The following PRKDC variants were observed in gnomAD, a reference collection of about 807,000 sequenced individuals.
PRKDC encodes the protein DNA-dependent protein kinase catalytic subunit.
PRKDC carries 82 observed loss-of-function variants against 486.9 expected under a neutral mutation model. That is an observed-to-expected ratio of 0.17 (90% confidence interval 0.14 to 0.20). The LOEUF (loss-of-function observed/expected upper bound fraction) is 0.20, where lower values mean the gene tolerates loss of function less well. Ranked by LOEUF, PRKDC falls within the 10% of genes least tolerant of loss-of-function variation. PRKDC has a pLI of 1.00. For synonymous variants in PRKDC, 1,895 were observed against 1,837.0 expected, an observed-to-expected ratio of 1.03 and a Z score of -0.81; for missense variants, 4,504 against 5,038.2, an observed-to-expected ratio of 0.89 and a Z score of 3.21.
chr8:47,788,802 A>C, intron 76 of PRKDC, 104 bp downstream of exon 76: 1 of 1,149,252 alleles, frequency 8.7e-7, no homozygotes, highest in Non-Finnish European at 1.1e-6. Flanking sequence ...AGAACTGTTA[A>C]ATTAATGATT....
intron 46 of PRKDC, 33 bp from the exon 47 acceptor site, chr8:47,859,019 TAC>T: frequency 6.2e-7 from 1 of 1,607,822 alleles, no homozygotes; most frequent in East Asian, 2.2e-5. Context: ...GAGCAGAGGG[TAC>T]AGTTAACATT....
chr8:47,839,031 A>C, intron 56 of PRKDC, 117 bp downstream of exon 56: 1 of 735,230 alleles, frequency 1.4e-6, no homozygotes, highest in Non-Finnish European at 2.3e-6. Flanking sequence ...AAATGCAGAA[A>C]GCAGAGAAAA....
intron 54 of PRKDC, among the ~76,000 whole-genome samples, chr8:47,844,246 T>C (rs1402521707): frequency 6.6e-6 from 1 of 152,258 alleles, no homozygotes; most frequent in Non-Finnish European, 1.5e-5. Flanking sequence ...GCAGTCACTA[T>C]TCTTTTATCA....
At chr8:47,951,550 C>T (rs1375853134) in intron 7 of PRKDC, among the ~76,000 whole-genome samples, 5 of 152,022 alleles carry the variant, frequency 3.3e-5, no homozygotes, top group African/African-American at 2.4e-5. Flanking sequence ...AAGGCAAGAC[C>T]GTGTCTCTAC....
intron 35 of PRKDC, among the ~76,000 whole-genome samples, chr8:47,886,801 C>CAA: frequency 6.6e-6 from 1 of 152,266 alleles, no homozygotes; most frequent in South Asian, 2.1e-4. Flanking sequence ...GATCTTCCCA[C>CAA]CTCAGCCTCT....
intron 30 of PRKDC, among the ~76,000 whole-genome samples, chr8:47,894,536 T>C (rs768825784): frequency 4.0e-5 from 6 of 151,862 alleles, no homozygotes; most frequent in Non-Finnish European, 5.9e-5. Context: ...ACGCTTGGGG[T>C]TGGGGAGCCT....
rs111445493 is a variant in PRKDC at position 47,782,899 on chromosome 8, T to C, written c.11176-301A>G. On this transcript the variant is annotated intron_variant, in intron 78 of 85. Transcript: ENST00000314191. This position sits in a 1 kb window ranked among gnomAD's most constrained non-coding sequence, Gnocchi z 4.9. ...GTAAGCTAATGCTACACATATTTTA[T>C]AGTGGATACTCACACACAGCTTACT... is the stretch of plus-strand genomic sequence containing the variant. 553 of 426,784 alleles carry C rather than the reference T, an allele frequency of 1.3e-3. 1 individual carries two copies. The highest frequency in any genetic ancestry group is 2.0e-3 in the Non-Finnish European group (456 of 232,372). The allele number at this position is 426,784 out of a possible 1,614,324, so 26.4% of individuals were successfully genotyped here.
chr8:47,958,681 G>A (rs1323681651), intron 1 of PRKDC, among the ~76,000 whole-genome samples: 2 of 150,418 alleles, frequency 1.3e-5, no homozygotes, highest in Non-Finnish European at 3.0e-5. Context: ...TTTCCCCATT[G>A]TTAATATATT....
chr8:47,872,501 T>TAAAAAAAAAAAAAAAAAAAAAAAAAAA (rs748681244), intron 40 of PRKDC, among the ~76,000 whole-genome samples: 1 of 74,140 alleles, frequency 1.3e-5, no homozygotes, highest in Non-Finnish European at 3.4e-5. Context: ...TATAAAAAAG[T>TAAAAAAAAAAAAAAAAAAAAAAAAAAA]AAAAAAAAAA....
At position 47,840,161 on chromosome 8, in the gene PRKDC, C is replaced by T; in HGVS notation, c.7309G>A (p.Asp2437Asn). 6.2e-7 allele frequency: 1 copy of T among 1,600,344 alleles called. No homozygotes were observed. The highest frequency in any genetic ancestry group is 8.5e-7 in the Non-Finnish European group (1 of 1,172,256). ...RDDERQKVCL[D>N]IIYKMMPKLK... ...TTTGGCATCATCTTATAAATTATGT[C>T]CAAACATACTTTTTGTCTTTCATCA... Residue 2437 changes from aspartate (D) to asparagine (N), a missense_variant, in exon 55 of 86, where the codon GAC becomes AAC. Physicochemically the swap from Asp to Asn is conservative, Grantham distance 23 (BLOSUM62 1). Around this residue, in one of 6 missense-constraint regions of PRKDC, gnomAD observed 1,592 missense variants for 1,724.6 expected, o/e 0.92. Coordinates refer to ENST00000314191, the MANE Select transcript of PRKDC (RefSeq NM_006904.7).
intron 68 of PRKDC, among the ~76,000 whole-genome samples, chr8:47,810,222 T>C (rs7832898): frequency 0.15 from 22,955 of 152,188 alleles, 2,779 homozygotes; most frequent in African/African-American, 0.31. Context: ...CCCCTTATCT[T>C]ACCTGCAGTT....
intron 26 of PRKDC, among the ~76,000 whole-genome samples, chr8:47,904,244 C>G (rs2089733108): frequency 6.6e-6 from 1 of 152,120 alleles, no homozygotes; most frequent in Non-Finnish European, 1.5e-5. Flanking sequence ...ATTGGATATA[C>G]TCAGAAATTC....
At chr8:47,958,508 T>C (rs1415828935) in intron 1 of PRKDC, among the ~76,000 whole-genome samples, 2 of 152,156 alleles carry the variant, frequency 1.3e-5, no homozygotes, top group Non-Finnish European at 2.9e-5. Context: ...AAGGAACTAA[T>C]ACACTTCCCC....
At chr8:47,824,468 CAAAAAAAAA>C (rs11369602) in intron 63 of PRKDC, among the ~76,000 whole-genome samples, 1 of 37,692 alleles carries the variant, frequency 2.7e-5, no homozygotes, top group Non-Finnish European at 4.7e-5. Flanking sequence ...GACTCCGCCT[CAAAAAAAAA>C]AAAAAAAAAA....
At chr8:47,886,552 T>G (rs1336922456) in intron 35 of PRKDC, among the ~76,000 whole-genome samples, 1 of 152,084 alleles carries the variant, frequency 6.6e-6, no homozygotes, top group Non-Finnish European at 1.5e-5. Context: ...CTACCACACC[T>G]GGCTAATTTT....
chr8:47,881,802 C>G, intron 37 of PRKDC, 110 bp downstream of exon 37: 4 of 977,010 alleles, frequency 4.1e-6, no homozygotes, highest in Non-Finnish European at 5.8e-6. Context: ...AAAATATTTT[C>G]TTATTTGTCA....
intron 67 of PRKDC, among the ~76,000 whole-genome samples, chr8:47,819,083 C>G (rs567318438): frequency 5.9e-4 from 90 of 152,306 alleles, no homozygotes; most frequent in Non-Finnish European, 8.7e-4. Context: ...CTCCAGGAGT[C>G]CTGCACCCTC....
intron 54 of PRKDC, among the ~76,000 whole-genome samples, chr8:47,845,690 A>G (rs2088248140): frequency 1.3e-5 from 2 of 151,016 alleles, no homozygotes; most frequent in African/African-American, 4.8e-5. Flanking sequence ...TACCAAGCAA[A>G]AAAAAAAAAA....
chr8:47,835,861 C>A (rs1305561979), intron 58 of PRKDC, among the ~76,000 whole-genome samples: 3 of 151,620 alleles, frequency 2.0e-5, no homozygotes, highest in Non-Finnish European at 2.9e-5. Context: ...CTTCTGGGCT[C>A]GAGCCATTCC....
Sources: gnomAD v4.1 joint callset for allele counts (sites outside exome capture counted in the v4.1 genomes callset) on GRCh38, gnomAD v4.1.1 for gene constraint, gnomAD v4.1.1 regional missense constraint, Gnocchi (gnomAD v3.1) non-coding constraint, MANE v1.5 for transcripts, NCBI Gene and HGNC (gene_info 2026-07-23, HGNC 2026-07-21) for gene names.